OPCML: variants seen among roughly 807,000 people sequenced by gnomAD.
OPCML encodes the protein opioid-binding protein/cell adhesion molecule.
Under a neutral mutation model 37.8 loss-of-function variants are expected in OPCML, and 13 were observed. That is an observed-to-expected ratio of 0.34 (90% confidence interval 0.22 to 0.55). The LOEUF is 0.55. Ranked by LOEUF, OPCML falls within the 20% of genes least tolerant of loss-of-function variation. The probability of loss-of-function intolerance (pLI) is 0.91; values close to 1 mark genes in which losing one functional copy is unlikely to be tolerated. For synonymous variants in OPCML, 176 were observed against 168.8 expected (o/e 1.04, Z -0.33); for missense variants, 341 against 435.6 (o/e 0.78, Z 1.93).
At chr11:133,058,415 G>A (rs1169569403) in intron 1 of OPCML, among the ~76,000 whole-genome samples, 5 of 152,140 alleles carry the variant, frequency 3.3e-5, no homozygotes, top group Non-Finnish European at 1.5e-5. Context: ...GGGCACGCGG[G>A]GTGCATCCTG....
rs537577345 is a variant in OPCML at position 132,735,643 on chromosome 11, C to A, written c.147-78324G>T. 3.0e-4 allele frequency among the ~76,000 whole-genome samples: 45 copies of A among 152,116 alleles called. No homozygotes were observed. In the Middle Eastern group the frequency reaches 0.01, roughly 34 times the overall value. ...GGACTACAGGCACCCACCACTACGC[C>A]CGACTAATTTTTTGTATTTTTAGTA... On this transcript the variant is annotated intron_variant, in intron 2 of 7. Coordinates refer to ENST00000524381, the MANE Select transcript of OPCML (RefSeq NM_001012393.5).
chr11:133,162,403 C>G (rs1077372), intron 1 of OPCML, among the ~76,000 whole-genome samples: 2,067 of 152,252 alleles, frequency 0.014, 29 homozygotes, highest in African/African-American at 0.036. Context: ...TAAAATGGAA[C>G]GTGGCTGAGT....
intron 3 of OPCML, among the ~76,000 whole-genome samples, chr11:132,656,288 C>G (rs1371781923): frequency 6.6e-6 from 1 of 152,286 alleles, no homozygotes; most frequent in East Asian, 1.9e-4. Flanking sequence ...GAACTGCTAT[C>G]TGCATGTGTT....
At chr11:132,981,307 G>C (rs920453017) in intron 1 of OPCML, among the ~76,000 whole-genome samples, 8 of 152,186 alleles carry the variant, frequency 5.3e-5, no homozygotes, top group African/African-American at 1.9e-4. Context: ...GGTTTCTGTA[G>C]ATAAGGCCAC....
intron 1 of OPCML, among the ~76,000 whole-genome samples, chr11:133,225,229 G>A (rs1939992172): frequency 6.6e-6 from 1 of 152,168 alleles, no homozygotes; most frequent in Non-Finnish European, 1.5e-5. Context: ...TCAGGTCACT[G>A]GATAAAGCCA....
intron 4 of OPCML, among the ~76,000 whole-genome samples, chr11:132,449,816 G>A (rs888339841): frequency 1.3e-5 from 2 of 152,110 alleles, no homozygotes; most frequent in African/African-American, 4.8e-5. Flanking sequence ...GAGGGGATCC[G>A]GCCAGCTCAT....
intron 3 of OPCML, among the ~76,000 whole-genome samples, chr11:132,584,828 T>C (rs2096469098): frequency 6.6e-6 from 1 of 152,254 alleles, no homozygotes; most frequent in Non-Finnish European, 1.5e-5. Flanking sequence ...AAGTTCAAAG[T>C]GTCTCTGTGC....
At chr11:132,701,775 TG>T (rs1943829003) in intron 2 of OPCML, among the ~76,000 whole-genome samples, 1 of 145,918 alleles carries the variant, frequency 6.9e-6, no homozygotes, top group African/African-American at 2.8e-5. Flanking sequence ...TGTGTGTGTG[TG>T]TGTGTGTGTG....
chr11:133,230,928 G>C lies in OPCML; in HGVS notation c.62-287918C>G, dbSNP rs145110785. ...AAAGGGAAGGCAAATACTTCTGGGA[G>C]CCTGTGATTCAGACACCGGATCTGC... On this transcript the variant is annotated intron_variant, in intron 1 of 7. Coordinates refer to ENST00000524381, the MANE Select transcript of OPCML (RefSeq NM_001012393.5). Among the ~76,000 whole-genome samples the C allele has an allele frequency of 7.3e-3, 1,109 of 152,320 alleles. 10 individuals are homozygous for C. Among genetic ancestry groups the C allele is most frequent in the African/African-American group, 0.024 (1,009 of 41,570 alleles).
At chr11:133,082,542 T>G (rs1229608396) in intron 1 of OPCML, among the ~76,000 whole-genome samples, 1 of 130,906 alleles carries the variant, frequency 7.6e-6, no homozygotes, top group African/African-American at 2.9e-5. Flanking sequence ...CATCCTCTCC[T>G]CCCCCTCGCC....
chr11:133,303,979 T>C (rs73600471), intron 1 of OPCML, among the ~76,000 whole-genome samples: 7,394 of 152,326 alleles, frequency 0.049, 204 homozygotes, highest in Middle Eastern at 0.071. Flanking sequence ...TAATAACTAC[T>C]GGAACACTTA....
At chr11:132,811,079 G>A (rs1939311428) in intron 2 of OPCML, among the ~76,000 whole-genome samples, 2 of 152,072 alleles carry the variant, frequency 1.3e-5, no homozygotes, top group African/African-American at 2.4e-5. Context: ...ACATTTTTAG[G>A]TGCCCCCCAA....
At chr11:133,155,977 G>T (rs920252229) in intron 1 of OPCML, among the ~76,000 whole-genome samples, 1 of 152,042 alleles carries the variant, frequency 6.6e-6, no homozygotes, top group East Asian at 1.9e-4. Context: ...TGCAAGGTCG[G>T]GATCTTATTT....
intron 1 of OPCML, among the ~76,000 whole-genome samples, chr11:133,000,366 G>A (rs1413400450): frequency 6.6e-6 from 1 of 152,204 alleles, no homozygotes; most frequent in African/African-American, 2.4e-5. Flanking sequence ...GCCTGCCTCG[G>A]CCTCTCAAAG....
At chr11:133,225,613 T>C (rs1188846675) in intron 1 of OPCML, among the ~76,000 whole-genome samples, 1 of 152,200 alleles carries the variant, frequency 6.6e-6, no homozygotes, top group Non-Finnish European at 1.5e-5. Flanking sequence ...AAGATGCCTC[T>C]AGAGATCATC....
intron 2 of OPCML, among the ~76,000 whole-genome samples, chr11:132,705,290 C>G (rs1784514): frequency 6.6e-6 from 1 of 151,590 alleles, no homozygotes; most frequent in Admixed American, 6.6e-5. Context: ...GAGTTCTGGT[C>G]GTTTAAAAGT....
At chr11:133,457,811 T>C (rs1471400532) in intron 1 of OPCML, among the ~76,000 whole-genome samples, 1 of 152,040 alleles carries the variant, frequency 6.6e-6, no homozygotes, top group Non-Finnish European at 1.5e-5. Context: ...CTAACGAGTA[T>C]CCTTTAAGTT....
chr11:132,653,696 G>C (rs955227136), intron 3 of OPCML, among the ~76,000 whole-genome samples: 1 of 152,196 alleles, frequency 6.6e-6, no homozygotes, highest in Non-Finnish European at 1.5e-5. Flanking sequence ...GGAAAGGGCA[G>C]GCAGGAAAGT....
intron 2 of OPCML, among the ~76,000 whole-genome samples, chr11:132,682,397 T>C (rs965300234): frequency 3.3e-5 from 5 of 152,224 alleles, no homozygotes; most frequent in African/African-American, 7.2e-5. Flanking sequence ...TTTTATAACA[T>C]ATCATCTTTT....
Sources: gnomAD v4.1 joint callset for allele counts (sites outside exome capture counted in the v4.1 genomes callset) on GRCh38, gnomAD v4.1.1 for gene constraint, MANE v1.5 for transcripts, NCBI Gene and HGNC (gene_info 2026-07-23, HGNC 2026-07-21) for gene names.